BANP: variants seen among roughly 807,000 people sequenced by gnomAD.
BANP encodes the protein BTG3 associated nuclear protein.
BANP carries 11 observed loss-of-function variants against 68.1 expected under a neutral mutation model. The observed-to-expected ratio is 0.16, with a 90% CI of 0.10 to 0.27. The LOEUF is 0.27. BANP is among the 10% of genes least tolerant of loss of function. The pLI is 1.00. For synonymous variants in BANP, 329 were observed against 303.2 expected (o/e 1.09, Z -0.88); for missense variants, 504 against 722.7 (o/e 0.70, Z 3.47).
In BANP at chr16:88,003,054, A is replaced by G. The variant is rs1201493673; in HGVS notation, c.363-1241A>G. Among the ~76,000 whole-genome samples the G allele has an allele frequency of 6.6e-6, 1 of 152,176 alleles. No homozygotes were observed. Among genetic ancestry groups the G allele is most frequent in the East Asian group, 1.9e-4 (1 of 5,194 alleles). On this transcript the variant is annotated intron_variant, in intron 4 of 13. Transcript: ENST00000682872. The surrounding 1 kb of genome is among the most constrained non-coding windows in gnomAD (Gnocchi z 6.1). ...AGTCAGGTAGCCTCTCCAGTTCTAC[A>G]TCTCTGAGGAGCATAGGACTGTCAC...
At chr16:88,043,775 G>A (rs2081345438) in intron 11 of BANP, among the ~76,000 whole-genome samples, 2 of 152,136 alleles carry the variant, frequency 1.3e-5, no homozygotes. Context: ...GACAGACGGT[G>A]CCAGGAGTGT....
intron 11 of BANP, among the ~76,000 whole-genome samples, chr16:88,058,044 A>G (rs1310980032): frequency 1.3e-5 from 2 of 151,928 alleles, no homozygotes; most frequent in South Asian, 4.2e-4. Context: ...ATAATTTCCT[A>G]CCTTTTTTTC....
intron 11 of BANP, among the ~76,000 whole-genome samples, chr16:88,045,572 A>C (rs2081832004): frequency 6.6e-6 from 1 of 151,976 alleles, no homozygotes; most frequent in African/African-American, 2.4e-5. Flanking sequence ...CCCGGCAGAG[A>C]AGCGCTCCCC....
intron 6 of BANP, among the ~76,000 whole-genome samples, chr16:88,012,372 G>C (rs1172852493): frequency 6.6e-6 from 1 of 152,222 alleles, no homozygotes; most frequent in Non-Finnish European, 1.5e-5. Flanking sequence ...TTTTGGCGTG[G>C]ATGGCATATC....
chr16:87,972,736 C>G (rs901499653), intron 1 of BANP, among the ~76,000 whole-genome samples: 1 of 152,222 alleles, frequency 6.6e-6, no homozygotes, highest in Non-Finnish European at 1.5e-5. Flanking sequence ...TCCCCTCCCA[C>G]CTTTAATGAG....
At chr16:88,031,648 C>CTCA (rs1433779444) in intron 8 of BANP, among the ~76,000 whole-genome samples, 2 of 109,510 alleles carry the variant, frequency 1.8e-5, no homozygotes, top group African/African-American at 6.1e-5. Flanking sequence ...GACTCTCTCT[C>CTCA]AAAAAAAAAA....
In BANP at chr16:88,006,099, T is replaced by G. The variant is rs769552029; in HGVS notation, c.489T>G (p.Pro163=). ...SLENVISNAV[P]GRRQNTIVVK... Reference sequence around the variant, plus strand: ...TTTTTTTCCCGTTTAGCGCTGTGCCTGGGCGTCGGCAGAACACCATTGTGG... The same window carrying G: ...TTTTTTTCCCGTTTAGCGCTGTGCCGGGGCGTCGGCAGAACACCATTGTGG... The change falls in exon 6 of 14, where the codon CCT becomes CCG. Residue 163 remains proline, a synonymous_variant. Coordinates refer to ENST00000682872, the MANE Select transcript of BANP (RefSeq NM_001386991.1). 10 of 1,613,746 alleles carry G rather than the reference T, an allele frequency of 6.2e-6. No homozygotes were observed. In the South Asian group the frequency reaches 8.8e-5, roughly 14 times the overall value.
At chr16:87,994,106 CGGTGTGCTGCGGT>C (rs974169708) in intron 4 of BANP, among the ~76,000 whole-genome samples, 3 of 149,604 alleles carry the variant, frequency 2.0e-5, no homozygotes, top group Non-Finnish European at 4.4e-5. Flanking sequence ...CGGAGCGCGG[CGGTGTGCTGCGGT>C]GCACTGTGTC....
chr16:87,967,920 C>G (rs1260704015), intron 1 of BANP, among the ~76,000 whole-genome samples: 2 of 151,448 alleles, frequency 1.3e-5, no homozygotes, highest in Non-Finnish European at 2.9e-5. Context: ...CGTGCCTGGC[C>G]TTTTTTTGGT....
At chr16:88,006,947 C>CAAAAA (rs11349895) in intron 6 of BANP, among the ~76,000 whole-genome samples, 10 of 81,652 alleles carry the variant, frequency 1.2e-4, no homozygotes, top group Non-Finnish European at 1.9e-4. Context: ...GACTCTGTCT[C>CAAAAA]AAAAAAAAAA....
Position 88,056,231 on chromosome 16 carries a change from T to A in BANP, c.1312-9036T>A, listed in dbSNP as rs201404945. 1.2e-4 allele frequency among the ~76,000 whole-genome samples: 18 copies of A among 152,336 alleles called. No individual in the cohort carries two copies. In the East Asian group the frequency reaches 3.3e-3, roughly 28 times the overall value. ...GGAGTGGCTGTGGAACTCCAAGGAC[T>A]CTCTGCTTCTTTGCTTCTTGGTCTG... On this transcript the variant is annotated intron_variant, in intron 11 of 13. Transcript: ENST00000682872.
At chr16:87,961,096 A>G (rs2059036974) in intron 1 of BANP, among the ~76,000 whole-genome samples, 1 of 152,220 alleles carries the variant, frequency 6.6e-6, no homozygotes, top group African/African-American at 2.4e-5. Context: ...CGCCTGGGTA[A>G]AAGATCCATT....
At chr16:87,976,913 G>A (rs570016382) in intron 2 of BANP, among the ~76,000 whole-genome samples, 2 of 152,298 alleles carry the variant, frequency 1.3e-5, no homozygotes, top group South Asian at 4.1e-4. Flanking sequence ...ACATAACACT[G>A]TAATCTTGTA....
chr16:88,017,349 A>C (rs982629515), intron 6 of BANP: 1 of 152,434 alleles, frequency 6.6e-6, no homozygotes, highest in Non-Finnish European at 1.5e-5. Flanking sequence ...TTGCAGCCTC[A>C]CTTTGGTTCA....
chr16:88,040,709 G>A (rs573763130), intron 11 of BANP, among the ~76,000 whole-genome samples: 1 of 152,224 alleles, frequency 6.6e-6, no homozygotes, highest in Admixed American at 6.5e-5. Flanking sequence ...TCAGCTCCCC[G>A]TACTGTCCCG....
At chr16:88,030,054 A>T (rs1236698223) in intron 8 of BANP, among the ~76,000 whole-genome samples, 1 of 152,256 alleles carries the variant, frequency 6.6e-6, no homozygotes, top group African/African-American at 2.4e-5. Context: ...GGCCATGCCT[A>T]CTGGCAGGCT....
At chr16:88,032,981 G>A (rs2078528250) in intron 8 of BANP, 128 bp from the exon 9 acceptor site, 1 of 1,131,258 alleles carries the variant, frequency 8.8e-7, no homozygotes, top group Non-Finnish European at 1.2e-6. Flanking sequence ...GTGAGTCGAG[G>A]AAAAATGAAG....
intron 1 of BANP, among the ~76,000 whole-genome samples, chr16:87,953,485 AG>A (rs2057402565): frequency 6.6e-6 from 1 of 152,168 alleles, no homozygotes; most frequent in African/African-American, 2.4e-5. Context: ...TACAGGTGTG[AG>A]TGACTGCACC....
Position 88,021,190 on chromosome 16 carries a change from G to C in BANP, c.895+2523G>C, listed in dbSNP as rs1428410575. 3.9e-5 allele frequency among the ~76,000 whole-genome samples: 6 copies of C among 152,222 alleles called. No individual in the cohort carries two copies. The East Asian group carries it at 9.6e-4, about 24-fold the overall frequency. Reference sequence around the variant, plus strand: ...CATCCTCCAGACAGCTGAGGTCATTGGCTGTGTTCACCAGGCTGCTGAACC... The same window carrying C: ...CATCCTCCAGACAGCTGAGGTCATTCGCTGTGTTCACCAGGCTGCTGAACC... On this transcript the variant is annotated intron_variant, in intron 7 of 13. Transcript: ENST00000682872.
Sources: allele counts gnomAD v4.1 joint callset (sites outside exome capture counted in the v4.1 genomes callset), GRCh38; gene constraint gnomAD v4.1.1; non-coding constraint Gnocchi (gnomAD v3.1); transcripts MANE v1.5; gene names NCBI Gene and HGNC (gene_info 2026-07-23, HGNC 2026-07-21).